Variants in EPHA4 observed in about 807,000 individuals in gnomAD.
EPHA4 encodes EPH receptor A4.
A neutral mutation model predicts 108.3 loss-of-function variants in EPHA4; 19 were observed. The observed-to-expected ratio is 0.18, with a 90% confidence interval of 0.12 to 0.26. The LOEUF is 0.26. Ranked by LOEUF, EPHA4 falls within the 10% of genes least tolerant of loss-of-function variation. The pLI, the probability that EPHA4 is intolerant of heterozygous loss-of-function variation, is 1.00. For synonymous variants in EPHA4, 449 were observed against 455.5 expected, an observed-to-expected ratio of 0.99 and a Z score of 0.18; for missense variants, 917 against 1,254.0, an observed-to-expected ratio of 0.73 and a Z score of 4.06.
At chr2:221,452,426 C>A (rs987499411) in intron 8 of EPHA4, among the ~76,000 whole-genome samples, 6 of 152,210 alleles carry the variant, frequency 3.9e-5, no homozygotes, top group Non-Finnish European at 7.3e-5. Flanking sequence ...GCTTTCATCC[C>A]CACTACCTGT....
upstream of EPHA4, chr2:221,572,831 T>G (rs1247091477): frequency 6.6e-6 from 1 of 152,516 alleles, no homozygotes; most frequent in Non-Finnish European, 1.5e-5. Context: ...CCCTGTTTTG[T>G]CTTTATGGCG....
intron 9 of EPHA4, among the ~76,000 whole-genome samples, chr2:221,445,154 T>A (rs1040508458): frequency 6.6e-6 from 1 of 152,164 alleles, no homozygotes; most frequent in Admixed American, 6.5e-5. Flanking sequence ...ACTTTCTCAG[T>A]CATATTAGCT....
At chr2:221,452,688 G>C (rs929565488) in intron 8 of EPHA4, among the ~76,000 whole-genome samples, 2 of 146,890 alleles carry the variant, frequency 1.4e-5, no homozygotes, top group Admixed American at 1.4e-4. Flanking sequence ...ACCAAGCACT[G>C]TTTATCAGCC....
At chr2:221,484,651 C>T (rs746656894) in intron 4 of EPHA4, among the ~76,000 whole-genome samples, 4 of 152,082 alleles carry the variant, frequency 2.6e-5, no homozygotes, top group Non-Finnish European at 5.9e-5. Context: ...AAATGAAGTA[C>T]ATAAAATCAC....
chr2:221,510,870 C>T (rs992025747), intron 3 of EPHA4, among the ~76,000 whole-genome samples: 2 of 152,152 alleles, frequency 1.3e-5, no homozygotes, highest in African/African-American at 4.8e-5. Flanking sequence ...AAACTAAACA[C>T]ATTCAACTAA....
At chr2:221,486,371 A>G (rs1426927112) in intron 4 of EPHA4, among the ~76,000 whole-genome samples, 1 of 152,080 alleles carries the variant, frequency 6.6e-6, no homozygotes, top group Admixed American at 6.5e-5. Flanking sequence ...GTAACATATA[A>G]TGGTGTCTTG....
chr2:221,566,969 GGAAGAAGAAGAA>G (rs71050343), intron 2 of EPHA4, among the ~76,000 whole-genome samples: 1 of 27,644 alleles, frequency 3.6e-5, no homozygotes, highest in Non-Finnish European at 6.2e-5. Context: ...AAGAGGAAGA[GGAAGAAGAAGAA>G]GAAGAAGAAG....
intron 3 of EPHA4, among the ~76,000 whole-genome samples, chr2:221,560,118 G>A (rs1163895785): frequency 1.9e-5 from 2 of 107,462 alleles, no homozygotes; most frequent in African/African-American, 7.1e-5. Flanking sequence ...CGCCCGCCCT[G>A]CCCATTTTTG....
At chr2:221,450,796 A>T (rs975854823) in intron 8 of EPHA4, among the ~76,000 whole-genome samples, 1 of 152,240 alleles carries the variant, frequency 6.6e-6, no homozygotes, top group Non-Finnish European at 1.5e-5. Flanking sequence ...GGTTCGTATA[A>T]AAACAGCATG....
At chr2:221,498,373 T>G (rs537743253) in intron 4 of EPHA4, among the ~76,000 whole-genome samples, 62 of 152,342 alleles carry the variant, frequency 4.1e-4, no homozygotes, top group African/African-American at 1.5e-3. Flanking sequence ...TTGAGTTTAC[T>G]ATTGTGCCCC....
chr2:221,543,941 G>C (rs1485320777), intron 3 of EPHA4, among the ~76,000 whole-genome samples: 3 of 152,144 alleles, frequency 2.0e-5, no homozygotes, highest in Non-Finnish European at 4.4e-5. Flanking sequence ...CTGGAGGCTG[G>C]AAAGTACGAG....
At chr2:221,422,592 A>G (rs958270984) in intron 17 of EPHA4, among the ~76,000 whole-genome samples, 17 of 152,334 alleles carry the variant, frequency 1.1e-4, no homozygotes, top group Admixed American at 9.1e-4. Context: ...GAAGACTTGT[A>G]TCTACTTAAT....
At chr2:221,484,460 A>G (rs909172189) in intron 4 of EPHA4, among the ~76,000 whole-genome samples, 4 of 152,222 alleles carry the variant, frequency 2.6e-5, no homozygotes, top group Non-Finnish European at 5.9e-5. Context: ...GAAACTTAGA[A>G]AAATGCAAAC....
intron 5 of EPHA4, among the ~76,000 whole-genome samples, chr2:221,477,791 A>C (rs1408501258): frequency 2.0e-5 from 3 of 152,178 alleles, no homozygotes; most frequent in African/African-American, 7.2e-5. Flanking sequence ...CATAGCCCAC[A>C]GCTCAGGGTT....
chr2:221,448,581 T>C (rs1230992883), intron 8 of EPHA4, among the ~76,000 whole-genome samples: 2 of 152,140 alleles, frequency 1.3e-5, no homozygotes, highest in African/African-American at 4.8e-5. Context: ...TTTAAAGGAA[T>C]ATAAGAGTGT....
intron 8 of EPHA4, among the ~76,000 whole-genome samples, chr2:221,453,584 A>T (rs1432192409): frequency 6.6e-6 from 1 of 152,202 alleles, no homozygotes; most frequent in Non-Finnish European, 1.5e-5. Context: ...TAAGTTTCCA[A>T]AGGTTGAGAT....
chr2:221,426,609 C>G lies in EPHA4; in HGVS notation c.2701G>C (p.Ala901Pro). The change falls in exon 16 of 18, where the codon GCC becomes CCC. Residue 901 changes from alanine to proline, a missense_variant. Ala to Pro is a conservative substitution (Grantham distance 27). This residue lies in a region of EPHA4 where 133 missense variants were observed against 132.8 expected (regional missense o/e 1.00). Coordinates refer to ENST00000281821, the MANE Select transcript of EPHA4 (RefSeq NM_004438.5). ...TGTESSRPNT[A>P]LLDPSSPEFS... is the part of the protein sequence containing the mutation. Reference sequence around the variant, plus strand: ...TCAGGGGAGCTTGGATCCAACAAGGCAGTGTTAGGTCTAGAAAGAGAACAA... The same window carrying G: ...TCAGGGGAGCTTGGATCCAACAAGGGAGTGTTAGGTCTAGAAAGAGAACAA... The G allele has an allele frequency of 6.2e-7, 1 of 1,613,292 alleles. No homozygotes were observed. Among genetic ancestry groups the G allele is most frequent in the Non-Finnish European group, 8.5e-7 (1 of 1,179,834 alleles).
At chr2:221,458,247 C>T (rs1313539545) in intron 5 of EPHA4, among the ~76,000 whole-genome samples, 1 of 152,262 alleles carries the variant, frequency 6.6e-6, no homozygotes, top group Non-Finnish European at 1.5e-5. Flanking sequence ...GTACCATTTC[C>T]ACAGCACGTA....
chr2:221,539,821 G>C (rs1693779695), intron 3 of EPHA4, among the ~76,000 whole-genome samples: 1 of 152,214 alleles, frequency 6.6e-6, no homozygotes, highest in East Asian at 1.9e-4. Context: ...GGCTGGAAGG[G>C]TGTGGAGGAG....
Sources: gnomAD v4.1 joint callset for allele counts (sites outside exome capture counted in the v4.1 genomes callset) on GRCh38, gnomAD v4.1.1 for gene constraint, gnomAD v4.1.1 regional missense constraint, MANE v1.5 for transcripts, NCBI Gene and HGNC (gene_info 2026-07-23, HGNC 2026-07-21) for gene names.